Variants in RPL11 observed in about 807,000 individuals in gnomAD.
RPL11 encodes ribosomal protein L11.
Under a neutral mutation model 24.1 loss-of-function variants are expected in RPL11, and 3 were observed. The observed-to-expected ratio is 0.12, with a 90% CI of 0.06 to 0.32. The LOEUF is 0.32. Ranked by LOEUF, RPL11 falls within the 10% of genes least tolerant of loss-of-function variation. The probability of loss-of-function intolerance (pLI) is 1.00; values close to 1 mark genes in which losing one functional copy is unlikely to be tolerated. For synonymous variants in RPL11, 96 were observed against 75.7 expected (o/e 1.27, Z -1.39); for missense variants, 146 against 225.7 (o/e 0.65, Z 2.26).
intron 1 of RPL11, 28 bp downstream of exon 1, chr1:23,691,857 T>C (rs1235451096): frequency 1.2e-6 from 2 of 1,614,188 alleles, no homozygotes; most frequent in Admixed American, 3.3e-5. Flanking sequence ...GGATTTGCTT[T>C]CCTTTATCCG....
intron 2 of RPL11, among the ~76,000 whole-genome samples, chr1:23,693,300 T>C (rs969645510): frequency 6.6e-6 from 1 of 152,192 alleles, no homozygotes; most frequent in African/African-American, 2.4e-5. Flanking sequence ...TTGTGGAAGA[T>C]AAAATGAGTT....
chr1:23,691,914 G>T (rs997547664), intron 1 of RPL11, 85 bp downstream of exon 1: 1 of 1,584,650 alleles, frequency 6.3e-7, no homozygotes, highest in Non-Finnish European at 8.7e-7. Flanking sequence ...TTCGCCCGCA[G>T]CCCGAGGAAT....
chr1:23,696,602 A>C lies in RPL11; in HGVS notation c.*229A>C, dbSNP rs1644534153. Reference sequence around the variant, plus strand: ...AGCATTCATTGCCTGTGCTTGCCACACCTTGGTTGATGTGCTGTGGTGCAG... The same window carrying C: ...AGCATTCATTGCCTGTGCTTGCCACCCCTTGGTTGATGTGCTGTGGTGCAG... On this transcript the variant is annotated 3_prime_UTR_variant, in exon 6 of 6. Coordinates refer to ENST00000643754, the MANE Select transcript of RPL11 (RefSeq NM_000975.5). 1.7e-6 allele frequency: 1 copy of C among 602,798 alleles called. No homozygotes were observed. The highest frequency in any genetic ancestry group is 2.7e-5 in the Admixed American group (1 of 37,100). 37.3% of individuals were successfully genotyped at this position (602,798 alleles called of 1,614,324 possible). A position where few individuals can be genotyped will look rare whatever the true frequency, so the allele number is the denominator to read the frequency against.
intron 5 of RPL11, 79 bp downstream of exon 5, chr1:23,695,987 A>G (rs1235067456): frequency 7.5e-7 from 1 of 1,336,404 alleles, no homozygotes; most frequent in East Asian, 2.5e-5. Context: ...TGCAAAATAT[A>G]GTACTATTTG....
chr1:23,691,863 A>T, intron 1 of RPL11, 34 bp downstream of exon 1: 3 of 1,613,994 alleles, frequency 1.9e-6, no homozygotes, highest in South Asian at 1.1e-5. Context: ...GCTTTCCTTT[A>T]TCCGTCGCCA....
intron 4 of RPL11, chr1:23,695,347 A>G (rs1339606919): frequency 3.6e-6 from 1 of 276,342 alleles, no homozygotes; most frequent in African/African-American, 2.2e-5. Flanking sequence ...CAGACAAGTA[A>G]TAAGACTTGG....
Position 23,695,805 on chromosome 1 carries a change from G to C in RPL11, c.404G>C (p.Gly135Ala). Residue 135 changes from glycine to alanine, a missense_variant, in exon 5 of 6, where the codon GGT (glycine) becomes GCT (alanine). Gly to Ala is a moderately conservative substitution (Grantham distance 60). Coordinates refer to ENST00000643754, the MANE Select transcript of RPL11 (RefSeq NM_000975.5). The stretch of plus-strand genomic sequence containing the variant: ...TGGTTATTCCTGGGACAGGTGCTGG[G>C]TAGGCCAGGTTTCAGCATCGCAGAC... ...IYGLDFYVVL[G>A]RPGFSIADKK... The C allele has an allele frequency of 6.3e-7, 1 of 1,588,974 alleles. No homozygotes were observed. Among genetic ancestry groups the C allele is most frequent in the Non-Finnish European group, 8.6e-7 (1 of 1,167,948 alleles).
chr1:23,694,515 G>A, intron 3 of RPL11, 145 bp from the exon 4 acceptor site: 1 of 1,042,062 alleles, frequency 9.6e-7, no homozygotes, highest in Non-Finnish European at 1.5e-6. Context: ...GTATAGTGAG[G>A]AAGTCAGGTT....
At position 23,693,843 on chromosome 1, in the gene RPL11, A is replaced by G; in HGVS notation, c.194A>G (p.Asn65Ser). 1.2e-6 allele frequency: 2 copies of G among 1,614,144 alleles called. No individual in the cohort carries two copies. Among genetic ancestry groups the G allele is most frequent in the Non-Finnish European group, 8.5e-7 (1 of 1,180,006 alleles). ...YTVRSFGIRR[N>S]EKIAVHCTVR... ...GTCAGATCCTTTGGCATCCGGAGAA[A>G]TGAAAAGATTGCTGTCCACTGCACA... Residue 65 changes from asparagine (N) to serine (S), a missense_variant, in exon 3 of 6, where the codon AAT becomes AGT. By Grantham distance (46) the Asn-to-Ser change is conservative. Transcript: ENST00000643754.
intron 1 of RPL11, chr1:23,692,236 C>T: frequency 9.5e-6 from 4 of 420,804 alleles, no homozygotes; most frequent in Non-Finnish European, 1.3e-5. Context: ...GGATGCTGGA[C>T]GTCGCATAAC....
At chr1:23,692,215 GCT>G (rs1195464770) in intron 1 of RPL11, 3 of 434,978 alleles carry the variant, frequency 6.9e-6, no homozygotes, top group Non-Finnish European at 1.3e-5. Context: ...CCTTTAGACA[GCT>G]TCCGAATAGG....
chr1:23,692,290 C>T (rs1644505371), intron 1 of RPL11: 4 of 428,646 alleles, frequency 9.3e-6, no homozygotes, highest in African/African-American at 2.0e-5. Flanking sequence ...TGTTTCTTCG[C>T]TCACTCCCCT....
chr1:23,693,267 A>G (rs550962895), intron 2 of RPL11, among the ~76,000 whole-genome samples: 1 of 152,306 alleles, frequency 6.6e-6, no homozygotes, highest in African/African-American at 2.4e-5. Flanking sequence ...TTTTCTTTGC[A>G]TAAAGAGGGT....
At chr1:23,693,715 T>C (rs888617837) in intron 2 of RPL11, 92 bp from the exon 3 acceptor site, 2 of 840,524 alleles carry the variant, frequency 2.4e-6, no homozygotes, top group African/African-American at 1.7e-5. Flanking sequence ...ATGCTTAATG[T>C]CTCTTTAAGT....
In RPL11 at chr1:23,696,706, C is replaced by A. The variant is rs936634614; in HGVS notation, c.*333C>A. 7.0e-6 allele frequency: 3 copies of A among 426,806 alleles called. No homozygotes were observed. The highest frequency in any genetic ancestry group is 1.3e-5 in the Non-Finnish European group (3 of 230,336). The allele number at this position is 426,806 out of a possible 1,614,324, so 26.4% of individuals were successfully genotyped here. ...CTTGGTTAAGCAGGGTGCAGTGCTC[C>A]TGTGTTCCAGGAGGCCCCCTGCTAT... On this transcript the variant is annotated 3_prime_UTR_variant, in exon 6 of 6. Transcript: ENST00000643754.
In RPL11 at chr1:23,696,647, G is replaced by A. The variant is rs767408827; in HGVS notation, c.*274G>A. Reference sequence around the variant, plus strand: ...GTGCAGTAGCCCCATTTGGAGGGGAGGGTTTGGTTGATGTTGGGGTTTGAA... The same window carrying A: ...GTGCAGTAGCCCCATTTGGAGGGGAAGGTTTGGTTGATGTTGGGGTTTGAA... On this transcript the variant is annotated 3_prime_UTR_variant, in exon 6 of 6. Transcript: ENST00000643754. The A allele has an allele frequency of 1.9e-6, 1 of 536,666 alleles. No homozygotes were observed. Among genetic ancestry groups the A allele is most frequent in the Non-Finnish European group, 3.4e-6 (1 of 297,334 alleles). 33.2% of individuals were successfully genotyped at this position (536,666 alleles called of 1,614,324 possible).
rs1644501190 is a variant in RPL11 at position 23,691,835 on chromosome 1, T to C, written c.6+6T>C. 1 of 1,614,038 alleles carries C rather than the reference T, an allele frequency of 6.2e-7. No homozygotes were observed. The highest frequency in any genetic ancestry group is 8.5e-7 in the Non-Finnish European group (1 of 1,180,028). Reference sequence around the variant, plus strand: ...TCCTGCTCTCCATCATGGCGGTGAGTAGCTGGGACCTGGATTTGCTTTCCT... The same window carrying C: ...TCCTGCTCTCCATCATGGCGGTGAGCAGCTGGGACCTGGATTTGCTTTCCT... On this transcript the variant is annotated splice_donor_region_variant and intron_variant, in intron 1 of 5. Coordinates refer to ENST00000643754, the MANE Select transcript of RPL11 (RefSeq NM_000975.5).
At chr1:23,693,384 CT>C (rs1644513292) in intron 2 of RPL11, among the ~76,000 whole-genome samples, 1 of 152,246 alleles carries the variant, frequency 6.6e-6, no homozygotes, top group Admixed American at 6.5e-5. Flanking sequence ...TTGTTACCAG[CT>C]GTGATGTTTG....
chr1:23,692,472 C>T, intron 1 of RPL11, 137 bp from the exon 2 acceptor site: 1 of 1,128,406 alleles, frequency 8.9e-7, no homozygotes, highest in Non-Finnish European at 1.3e-6. Context: ...GTCCCCTAAA[C>T]ATTATACCTT....
Sources: gnomAD v4.1 joint callset for allele counts (sites outside exome capture counted in the v4.1 genomes callset) on GRCh38, gnomAD v4.1.1 for gene constraint, MANE v1.5 for transcripts, NCBI Gene and HGNC (gene_info 2026-07-23, HGNC 2026-07-21) for gene names.